PLCB1: variants seen among roughly 807,000 people sequenced by gnomAD.
The protein encoded by PLCB1 is 1-phosphatidylinositol 4,5-bisphosphate phosphodiesterase beta-1.
A neutral mutation model predicts 161.8 loss-of-function variants in PLCB1; 46 were observed. The ratio of observed to expected loss-of-function variants is 0.28; its 90% CI spans 0.22 to 0.36. The LOEUF is 0.36. Among genes scored for constraint, PLCB1 ranks in the 10% least tolerant of loss-of-function variants. The pLI is 1.00. For missense variants in PLCB1, 1,016 were observed against 1,472.5 expected (o/e 0.69, Z 5.07); for synonymous variants, 517 against 503.7 (o/e 1.03, Z -0.35).
chr20:8,448,596 T>C (rs1252297292), intron 3 of PLCB1, among the ~76,000 whole-genome samples: 2 of 152,214 alleles, frequency 1.3e-5, no homozygotes, highest in African/African-American at 4.8e-5. Context: ...AGGGTTCCTT[T>C]TGGGACAGAA....
At chr20:8,717,610 G>A in intron 13 of PLCB1, 61 bp from the exon 14 acceptor site, 1 of 1,333,518 alleles carries the variant, frequency 7.5e-7, no homozygotes, top group Non-Finnish European at 1.0e-6. Flanking sequence ...CTGGGGGTCT[G>A]GGGAGGGGAT....
rs568316349 is a variant in PLCB1, at chr20:8,882,936, A to G, written c.*1087A>G. 1.9e-4 allele frequency: 29 copies of G among 152,716 alleles called. No homozygotes were observed. The highest frequency in any genetic ancestry group is 6.0e-4 in the African/African-American group (25 of 41,560). The allele number at this position is 152,716 out of a possible 1,614,324, so 9.5% of individuals were successfully genotyped here. ...GTAGACATGTGTTTATTAATTGACA[A>G]TGACCCAAATCTCTTCCACAAGACT... On this transcript the variant is annotated 3_prime_UTR_variant, in exon 32 of 32. Coordinates refer to ENST00000338037, the MANE Select transcript of PLCB1 (RefSeq NM_015192.4).
At chr20:8,647,868 A>G (rs1264358880) in intron 5 of PLCB1, 32 bp from the exon 6 acceptor site, 1 of 1,591,028 alleles carries the variant, frequency 6.3e-7, no homozygotes, top group Non-Finnish European at 8.6e-7. Context: ...TTTTAAAAAA[A>G]TCAAACCCTT....
intron 2 of PLCB1, among the ~76,000 whole-genome samples, chr20:8,179,590 T>C (rs975599408): frequency 6.6e-6 from 1 of 152,188 alleles, no homozygotes; most frequent in Non-Finnish European, 1.5e-5. Flanking sequence ...GTCTGCAAAC[T>C]GAGATGGTTT....
intron 3 of PLCB1, chr20:8,625,210 T>C (rs1013089372): frequency 1.3e-5 from 2 of 152,208 alleles, no homozygotes; most frequent in Non-Finnish European, 1.5e-5. Flanking sequence ...CTTCTACCTA[T>C]AAAGTCCTCT....
At chr20:8,827,142 A>AT (rs1376792071) in intron 31 of PLCB1, among the ~76,000 whole-genome samples, 2 of 152,202 alleles carry the variant, frequency 1.3e-5, no homozygotes, top group African/African-American at 4.8e-5. Flanking sequence ...CCAATGCTGC[A>AT]TTTTTTGTAA....
At chr20:8,786,709 A>G (rs1600326691) in intron 27 of PLCB1, among the ~76,000 whole-genome samples, 1 of 147,172 alleles carries the variant, frequency 6.8e-6, no homozygotes, top group Non-Finnish European at 1.5e-5. Context: ...TTTTTTTGAG[A>G]CAGAGTTTTG....
chr20:8,438,110 T>C (rs951693842), intron 3 of PLCB1, among the ~76,000 whole-genome samples: 1 of 152,220 alleles, frequency 6.6e-6, no homozygotes, highest in Admixed American at 6.5e-5. Context: ...TATATATTTG[T>C]AGATAATTTC....
intron 31 of PLCB1, among the ~76,000 whole-genome samples, chr20:8,801,405 C>T (rs1319084339): frequency 6.6e-6 from 1 of 152,182 alleles, no homozygotes; most frequent in African/African-American, 2.4e-5. Flanking sequence ...TTGTCACCTT[C>T]TCTCATTCAG....
At chr20:8,496,472 C>G (rs907765745) in intron 3 of PLCB1, among the ~76,000 whole-genome samples, 5 of 152,178 alleles carry the variant, frequency 3.3e-5, no homozygotes, top group Admixed American at 3.3e-4. Flanking sequence ...CCACTGCGCC[C>G]CAGAGAGAGA....
chr20:8,212,874 A>AT lies in PLCB1; in HGVS notation c.177+62507dup, dbSNP rs201000049. On this transcript the variant is annotated intron_variant, in intron 2 of 31. Transcript: ENST00000338037. ...AGAATCAAAGTATGTGAACATTTAA[A>AT]TTTTCACCTTCGTTACCATGAAAGC... 9.5e-3 allele frequency among the ~76,000 whole-genome samples: 1,447 copies of AT among 152,218 alleles called. 24 individuals carry two copies. The highest frequency in any genetic ancestry group is 0.03 in the African/African-American group (1,230 of 41,556).
intron 2 of PLCB1, among the ~76,000 whole-genome samples, chr20:8,327,355 G>A (rs1985199068): frequency 6.6e-6 from 1 of 152,164 alleles, no homozygotes; most frequent in African/African-American, 2.4e-5. Context: ...TTGTGGGGAG[G>A]GAGAAGAAAG....
Position 8,723,350 on chromosome 20 carries a change from T to C in PLCB1, c.1581+929T>C, listed in dbSNP as rs570949133. ...TTAAACTCTCTTACTAATTGGATAG[T>C]CCATTTGCAAATGAATGTTTCCCAG... On this transcript the variant is annotated intron_variant, in intron 15 of 31. Coordinates refer to ENST00000338037, the MANE Select transcript of PLCB1 (RefSeq NM_015192.4). 2.7e-3 allele frequency among the ~76,000 whole-genome samples: 417 copies of C among 152,298 alleles called. 1 individual carries two copies. Among genetic ancestry groups the C allele is most frequent in the African/African-American group, 9.6e-3 (399 of 41,568 alleles).
intron 1 of PLCB1, among the ~76,000 whole-genome samples, chr20:8,133,145 C>A (rs987493792): frequency 7.2e-5 from 11 of 152,146 alleles, no homozygotes; most frequent in African/African-American, 2.7e-4. Context: ...TGCGGACGCA[C>A]CCCCTATTAC....
rs147058429 is a variant in PLCB1 at position 8,840,137 on chromosome 20, A to G, written c.3424-41485A>G. Reference sequence around the variant, plus strand: ...CCTCAATGTTCTGTTCATATCACATAGAATCACTGAGAATTCTTCTCTGAC... The same window carrying G: ...CCTCAATGTTCTGTTCATATCACATGGAATCACTGAGAATTCTTCTCTGAC... On this transcript the variant is annotated intron_variant, in intron 31 of 31. Transcript: ENST00000338037. 1.6e-3 allele frequency among the ~76,000 whole-genome samples: 239 copies of G among 152,188 alleles called. 4 individuals carry two copies. In the East Asian group the frequency reaches 0.029, roughly 18 times the overall value.
intron 2 of PLCB1, among the ~76,000 whole-genome samples, chr20:8,229,425 G>A (rs986429368): frequency 4.6e-5 from 7 of 151,924 alleles, no homozygotes; most frequent in Non-Finnish European, 1.0e-4. Context: ...TCATAATTCA[G>A]GTAGCACTGA....
chr20:8,750,080 A>G lies in PLCB1; in HGVS notation c.2524-6966A>G, dbSNP rs1405652663. 2.0e-5 allele frequency among the ~76,000 whole-genome samples: 3 copies of G among 152,162 alleles called. No homozygotes were observed. The East Asian group carries it at 5.8e-4, about 29-fold the overall frequency. Reference sequence around the variant, plus strand: ...TGGAGGAAGAGAGTGACATTATAAAATTTATACATCTATGTGTAAAATTGC... The same window carrying G: ...TGGAGGAAGAGAGTGACATTATAAAGTTTATACATCTATGTGTAAAATTGC... On this transcript the variant is annotated intron_variant, in intron 23 of 31. Coordinates refer to ENST00000338037, the MANE Select transcript of PLCB1 (RefSeq NM_015192.4).
intron 12 of PLCB1, among the ~76,000 whole-genome samples, chr20:8,715,604 C>A (rs553418228): frequency 1.3e-5 from 2 of 152,142 alleles, no homozygotes; most frequent in South Asian, 4.1e-4. Context: ...CAGAATGATA[C>A]CACCTTTGCT....
intron 2 of PLCB1, among the ~76,000 whole-genome samples, chr20:8,270,642 A>G (rs573171219): frequency 5.5e-4 from 84 of 152,300 alleles, no homozygotes; most frequent in Non-Finnish European, 1.0e-3. Context: ...TAGGAATCAC[A>G]TTCTTCAAAG....
Sources: gnomAD v4.1 joint callset for allele counts (sites outside exome capture counted in the v4.1 genomes callset) on GRCh38, gnomAD v4.1.1 for gene constraint, MANE v1.5 for transcripts, NCBI Gene and HGNC (gene_info 2026-07-23, HGNC 2026-07-21) for gene names.